Variants in GATAD2A observed in about 807,000 individuals in gnomAD.
The protein encoded by GATAD2A is GATA zinc finger domain containing 2A, also known as transcriptional repressor p66-alpha.
A neutral mutation model predicts 68.5 loss-of-function variants in GATAD2A; 12 were observed. The observed-to-expected ratio is 0.18, with a 90% CI of 0.11 to 0.28. The LOEUF (loss-of-function observed/expected upper bound fraction) is 0.28, where lower values mean the gene tolerates loss of function less well. Among genes scored for constraint, GATAD2A ranks in the 10% least tolerant of loss-of-function variants. GATAD2A has a pLI of 1.00. For synonymous variants in GATAD2A, 410 were observed against 375.3 expected, an observed-to-expected ratio of 1.09 and a Z score of -1.07; for missense variants, 755 against 868.5, an observed-to-expected ratio of 0.87 and a Z score of 1.64.
chr19:19,492,301 C>A lies in GATAD2A; in HGVS notation c.270-5C>A. The A allele has an allele frequency of 6.3e-7, 1 of 1,599,374 alleles. No individual in the cohort carries two copies. The highest frequency in any genetic ancestry group is 1.3e-5 in the African/African-American group (1 of 74,666). On this transcript the variant is annotated splice_region_variant and splice_polypyrimidine_tract_variant and intron_variant, in intron 2 of 11. Transcript: ENST00000683918. ...GCTCTGGTCACTACTGTCTCCACCC[C>A]ACAGTGACATGAAGTCCGAGAGGAG...
chr19:19,453,788 C>T (rs541749344), intron 1 of GATAD2A, among the ~76,000 whole-genome samples: 2 of 150,694 alleles, frequency 1.3e-5, no homozygotes, highest in East Asian at 2.0e-4. Flanking sequence ...GCAGTTCTCC[C>T]GAGTAGCTGG....
At chr19:19,504,527 C>G (rs1186912593) in intron 11 of GATAD2A, among the ~76,000 whole-genome samples, 1 of 151,942 alleles carries the variant, frequency 6.6e-6, no homozygotes, top group African/African-American at 2.4e-5. Flanking sequence ...GTGGCTCGTG[C>G]CTATAATCCC....
At chr19:19,420,114 G>A (rs1165175773) in intron 1 of GATAD2A, among the ~76,000 whole-genome samples, 2 of 141,054 alleles carry the variant, frequency 1.4e-5, no homozygotes, top group African/African-American at 5.4e-5. Context: ...AGGTTCAAGC[G>A]ATTCTCCTGT....
intron 1 of GATAD2A, among the ~76,000 whole-genome samples, chr19:19,425,916 C>T (rs1456519111): frequency 6.6e-6 from 1 of 151,920 alleles, no homozygotes; most frequent in Non-Finnish European, 1.5e-5. Flanking sequence ...CAGCCTCTAG[C>T]GTAGCTGGGA....
At chr19:19,451,122 C>A (rs1424693960) in intron 1 of GATAD2A, among the ~76,000 whole-genome samples, 1 of 151,948 alleles carries the variant, frequency 6.6e-6, no homozygotes, top group African/African-American at 2.4e-5. Flanking sequence ...CTCCTGTAAT[C>A]CCAGCACCTT....
intron 8 of GATAD2A, among the ~76,000 whole-genome samples, chr19:19,499,424 C>T (rs1242052456): frequency 1.3e-5 from 2 of 152,028 alleles, no homozygotes; most frequent in African/African-American, 2.4e-5. Context: ...GCAGAGGAGT[C>T]GGCAGGACTG....
intron 1 of GATAD2A, among the ~76,000 whole-genome samples, chr19:19,420,005 CTTTTTT>C (rs397859927): frequency 2.9e-4 from 20 of 68,696 alleles, no homozygotes; most frequent in African/African-American, 1.4e-3. Context: ...ACCATCTTGA[CTTTTTT>C]TTTTTTTTTT....
intron 1 of GATAD2A, among the ~76,000 whole-genome samples, chr19:19,388,310 G>C (rs949244587): frequency 1.3e-5 from 2 of 152,040 alleles, no homozygotes; most frequent in African/African-American, 4.8e-5. Flanking sequence ...GCCGGCCTCG[G>C]CCTCCCAAAG....
At chr19:19,444,282 T>A (rs1353976754) in intron 1 of GATAD2A, among the ~76,000 whole-genome samples, 1 of 140,674 alleles carries the variant, frequency 7.1e-6, no homozygotes, top group East Asian at 2.1e-4. Context: ...GGTGGTTAGC[T>A]GGACTTGCAC....
chr19:19,412,571 G>A (rs780703951), intron 1 of GATAD2A, among the ~76,000 whole-genome samples: 1 of 152,068 alleles, frequency 6.6e-6, no homozygotes, highest in Non-Finnish European at 1.5e-5. Context: ...GGTTGAAGCT[G>A]CAGTGAGAGG....
At chr19:19,484,130 C>G (rs912697294) in intron 2 of GATAD2A, among the ~76,000 whole-genome samples, 4 of 152,152 alleles carry the variant, frequency 2.6e-5, no homozygotes, top group African/African-American at 7.2e-5. Context: ...GCCTGACACA[C>G]AAGATATTGC....
At chr19:19,499,481 C>T (rs1379714222) in intron 8 of GATAD2A, among the ~76,000 whole-genome samples, 1 of 152,122 alleles carries the variant, frequency 6.6e-6, no homozygotes, top group Non-Finnish European at 1.5e-5. Flanking sequence ...CAGAGCCTTC[C>T]CAGCACAGAC....
chr19:19,465,992 A>G (rs1387537941), intron 2 of GATAD2A, among the ~76,000 whole-genome samples: 2 of 152,220 alleles, frequency 1.3e-5, no homozygotes, highest in Admixed American at 1.3e-4. Flanking sequence ...TCTAGAGGTC[A>G]GAGGGCCAGG....
At chr19:19,433,000 G>A (rs2053920180) in intron 1 of GATAD2A, among the ~76,000 whole-genome samples, 1 of 152,236 alleles carries the variant, frequency 6.6e-6, no homozygotes, top group Admixed American at 6.5e-5. Context: ...GCTTTCCTGA[G>A]TGACTGGGTG....
chr19:19,415,321 T>G (rs1191703737), intron 1 of GATAD2A, among the ~76,000 whole-genome samples: 1 of 151,086 alleles, frequency 6.6e-6, no homozygotes, highest in Non-Finnish European at 1.5e-5. Flanking sequence ...CCCAGCTAAT[T>G]TTGTATTTTT....
intron 1 of GATAD2A, among the ~76,000 whole-genome samples, chr19:19,398,680 G>A (rs1223325263): frequency 6.6e-6 from 1 of 151,596 alleles, no homozygotes; most frequent in African/African-American, 2.4e-5. Flanking sequence ...GCTCACGCCT[G>A]TAATCCCAAC....
At chr19:19,389,391 T>C (rs2048687086) in intron 1 of GATAD2A, among the ~76,000 whole-genome samples, 1 of 152,228 alleles carries the variant, frequency 6.6e-6, no homozygotes, top group South Asian at 2.1e-4. Context: ...CTTTACAGTT[T>C]GACTGAGGGC....
intron 1 of GATAD2A, among the ~76,000 whole-genome samples, chr19:19,448,691 C>T (rs528604976): frequency 1.3e-5 from 2 of 152,052 alleles, no homozygotes; most frequent in Non-Finnish European, 2.9e-5. Flanking sequence ...GGTTTCACCA[C>T]GTTGGCCAGG....
At chr19:19,470,148 T>TTA (rs1555712310) in intron 2 of GATAD2A, among the ~76,000 whole-genome samples, 1 of 136,392 alleles carries the variant, frequency 7.3e-6, no homozygotes, top group South Asian at 2.5e-4. Flanking sequence ...ACTTTATTTT[T>TTA]TTTTTTGTTT....
Sources: gnomAD v4.1 joint callset for allele counts (sites outside exome capture counted in the v4.1 genomes callset) on GRCh38, gnomAD v4.1.1 for gene constraint, MANE v1.5 for transcripts, NCBI Gene and HGNC (gene_info 2026-07-23, HGNC 2026-07-21) for gene names.